Variants in RYR2 observed in about 807,000 individuals in gnomAD.
RYR2 encodes ryanodine receptor 2, also known as cardiac muscle ryanodine receptor-calcium release channel.
RYR2 carries 227 observed loss-of-function variants against 601.1 expected under a neutral mutation model. That is an observed-to-expected ratio of 0.38 (90% CI 0.34 to 0.42). The LOEUF is 0.42. Among genes scored for constraint, RYR2 ranks in the 10% least tolerant of loss-of-function variants. The pLI, the probability that RYR2 is intolerant of heterozygous loss-of-function variation, is 1.00. For synonymous variants in RYR2, 2,223 were observed against 2,175.1 expected, an observed-to-expected ratio of 1.02 and a Z score of -0.61; for missense variants, 4,646 against 6,156.5, an observed-to-expected ratio of 0.75 and a Z score of 8.21.
chr1:237,832,852 T>G lies in RYR2; in HGVS notation c.*205T>G. On this transcript the variant is annotated 3_prime_UTR_variant, in exon 105 of 105. Transcript: ENST00000366574. ...TTTGAGACTAAAGACTGAAGAATAA[T>G]CTAAATTCATACTCAGACAAAAAAA... The G allele has an allele frequency of 2.2e-6, 1 of 451,040 alleles. No homozygotes were observed. The highest frequency in any genetic ancestry group is 4.0e-6 in the Non-Finnish European group (1 of 251,536). The allele number at this position is 451,040 out of a possible 1,614,324, so 27.9% of individuals were successfully genotyped here.
rs1698069715 is a variant in RYR2, at chr1:237,344,011, T to C, written c.274-11954T>C. On this transcript the variant is annotated intron_variant, in intron 3 of 104. Coordinates refer to ENST00000366574, the MANE Select transcript of RYR2 (RefSeq NM_001035.3). ...AATTTTTGTGTATTTTTAGTACAGA[T>C]GGGGTTTCTCCATGTTGGCCAGGCT... Among the ~76,000 whole-genome samples the C allele has an allele frequency of 3.3e-5, 5 of 151,768 alleles. No homozygotes were observed. In the South Asian group the frequency reaches 1.0e-3, roughly 32 times the overall value.
chr1:237,634,179 T>G (rs1680627317), intron 43 of RYR2, among the ~76,000 whole-genome samples: 1 of 152,182 alleles, frequency 6.6e-6, no homozygotes, highest in Non-Finnish European at 1.5e-5. Flanking sequence ...ATTGCAGCAT[T>G]ATTCACAATA....
intron 24 of RYR2, among the ~76,000 whole-genome samples, chr1:237,520,721 C>A (rs1462795085): frequency 6.6e-6 from 1 of 152,118 alleles, no homozygotes; most frequent in Non-Finnish European, 1.5e-5. Context: ...AAAACCTGAA[C>A]AGAGCAATAA....
chr1:237,453,647 A>G (rs1428847860), intron 14 of RYR2, among the ~76,000 whole-genome samples: 2 of 152,120 alleles, frequency 1.3e-5, no homozygotes, highest in Non-Finnish European at 2.9e-5. Flanking sequence ...TATTGTATGC[A>G]TTGTTTTAAA....
chr1:237,750,111 A>C (rs1692420339), intron 80 of RYR2, among the ~76,000 whole-genome samples: 1 of 152,158 alleles, frequency 6.6e-6, no homozygotes, highest in African/African-American at 2.4e-5. Flanking sequence ...ACACCATTGC[A>C]CTCCAGGCTG....
intron 2 of RYR2, among the ~76,000 whole-genome samples, chr1:237,286,644 C>T (rs984652679): frequency 4.0e-5 from 6 of 151,340 alleles, no homozygotes; most frequent in African/African-American, 9.7e-5. Context: ...TTTTGGTGTA[C>T]ATTTGCATGA....
At chr1:237,635,855 G>A (rs1396323225) in intron 44 of RYR2, among the ~76,000 whole-genome samples, 1 of 152,046 alleles carries the variant, frequency 6.6e-6, no homozygotes, top group Non-Finnish European at 1.5e-5. Context: ...GCTGGAACAC[G>A]CCAACTGTGC....
chr1:237,129,627 A>G (rs544921505), intron 1 of RYR2, among the ~76,000 whole-genome samples: 2 of 151,314 alleles, frequency 1.3e-5, no homozygotes, highest in East Asian at 3.9e-4. Context: ...TATGAGATAT[A>G]TATATGTGTG....
intron 17 of RYR2, among the ~76,000 whole-genome samples, chr1:237,474,514 G>T (rs2150333276): frequency 6.6e-6 from 1 of 152,112 alleles, no homozygotes; most frequent in Non-Finnish European, 1.5e-5. Flanking sequence ...AGAAGATTGT[G>T]TAGATTGCCT....
chr1:237,588,827 C>T (rs1160951719), intron 29 of RYR2, among the ~76,000 whole-genome samples: 5 of 48,536 alleles, frequency 1.0e-4, no homozygotes, highest in Admixed American at 2.7e-4. Context: ...AACGAGACTC[C>T]GTCTCAAAAA....
At chr1:237,254,499 G>A (rs1436896491) in intron 1 of RYR2, among the ~76,000 whole-genome samples, 1 of 152,074 alleles carries the variant, frequency 6.6e-6, no homozygotes, top group Non-Finnish European at 1.5e-5. Flanking sequence ...TGGAATAATC[G>A]TACACAGTGG....
chr1:237,226,507 C>A lies in RYR2; in HGVS notation c.49-43990C>A, dbSNP rs980384834. On this transcript the variant is annotated intron_variant, in intron 1 of 104. Transcript: ENST00000366574. ...CAGAAAAACACCTCAGATCTCAAAC[C>A]AATTTAGAGAGCTCAGAAAGCAGTA... Among the ~76,000 whole-genome samples, 57 of 152,096 alleles carry A rather than the reference C, an allele frequency of 3.7e-4. 1 individual carries two copies. Among genetic ancestry groups the A allele is most frequent in the Admixed American group, 3.7e-3 (57 of 15,268 alleles).
chr1:237,393,270 C>A (rs573363539), intron 10 of RYR2, among the ~76,000 whole-genome samples: 1 of 152,272 alleles, frequency 6.6e-6, no homozygotes, highest in Admixed American at 6.5e-5. Context: ...GAAATAAATG[C>A]TACATTTGCT....
intron 2 of RYR2, among the ~76,000 whole-genome samples, chr1:237,318,123 T>TA (rs1227953018): frequency 6.6e-6 from 1 of 151,908 alleles, no homozygotes; most frequent in South Asian, 2.1e-4. Flanking sequence ...TCTTAATTCT[T>TA]ATGTACTCGG....
chr1:237,770,725 C>A, intron 84 of RYR2, 82 bp from the exon 85 acceptor site: 3 of 833,842 alleles, frequency 3.6e-6, no homozygotes, highest in Non-Finnish European at 4.0e-6. Context: ...GATCAACATG[C>A]AAGTTGTATG....
At chr1:237,574,012 T>C (rs900894756) in intron 29 of RYR2, among the ~76,000 whole-genome samples, 5 of 152,046 alleles carry the variant, frequency 3.3e-5, no homozygotes, top group African/African-American at 1.2e-4. Flanking sequence ...GCTTACATGG[T>C]CAAGATCAAG....
chr1:237,090,138 C>T (rs1000975399), intron 1 of RYR2, among the ~76,000 whole-genome samples: 9 of 152,052 alleles, frequency 5.9e-5, no homozygotes, highest in Non-Finnish European at 1.0e-4. Flanking sequence ...TGGGGGAAAC[C>T]GCCCCCATGA....
chr1:237,809,571 G>A (rs1661039333), intron 100 of RYR2, among the ~76,000 whole-genome samples: 1 of 151,910 alleles, frequency 6.6e-6, no homozygotes, highest in South Asian at 2.1e-4. Context: ...CTCTAATATT[G>A]GCAGCTGAGA....
At chr1:237,187,014 T>C (rs1679418269) in intron 1 of RYR2, among the ~76,000 whole-genome samples, 2 of 152,080 alleles carry the variant, frequency 1.3e-5, no homozygotes, top group African/African-American at 4.8e-5. Flanking sequence ...TGAAGGGAAC[T>C]TGTGGAAGGG....
Sources: allele counts gnomAD v4.1 joint callset (sites outside exome capture counted in the v4.1 genomes callset), GRCh38; gene constraint gnomAD v4.1.1; transcripts MANE v1.5; gene names NCBI Gene and HGNC (gene_info 2026-07-23, HGNC 2026-07-21).